The following GRAMD2A variants were observed in gnomAD, a reference collection of about 807,000 sequenced individuals.
GRAMD2A encodes the protein GRAM domain-containing protein 2A.
In GRAMD2A, 37 loss-of-function variants were observed where a neutral mutation model predicts 51.1. The observed-to-expected ratio is 0.72, with a 90% CI of 0.56 to 0.95. GRAMD2A has a LOEUF of 0.95. GRAMD2A is among the 40% of genes least tolerant of loss of function. GRAMD2A has a pLI of 0.00. For synonymous variants in GRAMD2A, 136 were observed against 157.1 expected (o/e 0.87, Z 1.01); for missense variants, 414 against 426.9 (o/e 0.97, Z 0.27).
chr15:72,170,154 C>G lies in GRAMD2A; in HGVS notation c.42-215G>C, dbSNP rs1248315042. On this transcript the variant is annotated intron_variant, in intron 1 of 11. Coordinates refer to ENST00000309731, the MANE Select transcript of GRAMD2A (RefSeq NM_001012642.3). This position sits in a 1 kb window ranked among gnomAD's most constrained non-coding sequence, Gnocchi z 4.5. ...AGGCGGGTCTCACACAGCGTCTTTC[C>G]CGAAAGCCAGAAGTTCTGCTTATGC... 3.0e-6 allele frequency: 2 copies of G among 665,882 alleles called. No individual in the cohort carries two copies. Among genetic ancestry groups the G allele is most frequent in the Non-Finnish European group, 5.5e-6 (2 of 361,934 alleles). 41.2% of individuals were successfully genotyped at this position (665,882 alleles called of 1,614,324 possible). A position where few individuals can be genotyped will look rare whatever the true frequency, so the allele number is the denominator to read the frequency against.
chr15:72,195,561 C>G (rs1313964017), intron 1 of GRAMD2A, among the ~76,000 whole-genome samples: 1 of 152,142 alleles, frequency 6.6e-6, no homozygotes, highest in Non-Finnish European at 1.5e-5. Context: ...CGGGAGCACC[C>G]TAGGTGGATG....
intron 1 of GRAMD2A, among the ~76,000 whole-genome samples, chr15:72,182,312 C>T (rs1408111587): frequency 6.8e-6 from 1 of 147,574 alleles, no homozygotes; most frequent in Non-Finnish European, 1.5e-5. Flanking sequence ...TTGCAGTGAG[C>T]CAAGATCTTG....
intron 1 of GRAMD2A, among the ~76,000 whole-genome samples, chr15:72,178,003 T>G (rs1221852030): frequency 6.6e-6 from 1 of 152,152 alleles, no homozygotes; most frequent in African/African-American, 2.4e-5. Flanking sequence ...GCTGGGATTA[T>G]AGGCGTGAGC....
chr15:72,161,923 G>T lies in GRAMD2A; in HGVS notation c.*86C>A. ...CATAGGCAGTCTTAGCACAGCAGCA[G>T]CATAAACCACAGGGATCATTGGTGG... On this transcript the variant is annotated 3_prime_UTR_variant, in exon 12 of 12. Transcript: ENST00000309731. 7.1e-7 allele frequency: 1 copy of T among 1,412,418 alleles called. No homozygotes were observed. Among genetic ancestry groups the T allele is most frequent in the Non-Finnish European group, 1.0e-6 (1 of 996,046 alleles). 87.5% of individuals were successfully genotyped at this position (1,412,418 alleles called of 1,614,324 possible).
chr15:72,162,952 CCTCT>C, intron 10 of GRAMD2A: 1 of 314,296 alleles, frequency 3.2e-6, no homozygotes, highest in Non-Finnish European at 5.9e-6. Context: ...CCAAGCTTTT[CCTCT>C]CTCTCTCCAA....
In GRAMD2A at chr15:72,171,601, C is replaced by A. The variant is rs567583503; in HGVS notation, c.42-1662G>T. Among the ~76,000 whole-genome samples, 34 of 152,192 alleles carry A rather than the reference C, an allele frequency of 2.2e-4. No homozygotes were observed. The East Asian group carries it at 6.4e-3, about 29-fold the overall frequency. On this transcript the variant is annotated intron_variant, in intron 1 of 11. Transcript: ENST00000309731. ...AGCACGACATGAAGGTGCCTGTTTCCCCATATTCATGCCCTTCTCTGGATA... is the reference window on the plus strand; with the variant it reads ...AGCACGACATGAAGGTGCCTGTTTCACCATATTCATGCCCTTCTCTGGATA...
chr15:72,174,681 C>T (rs1483479296), intron 1 of GRAMD2A, among the ~76,000 whole-genome samples: 1 of 152,156 alleles, frequency 6.6e-6, no homozygotes, highest in Non-Finnish European at 1.5e-5. Flanking sequence ...GAGGTGTCTG[C>T]CTGCTCTCCA....
intron 8 of GRAMD2A, among the ~76,000 whole-genome samples, chr15:72,164,792 T>C (rs367983984): frequency 9.8e-5 from 15 of 152,292 alleles, no homozygotes; most frequent in African/African-American, 3.6e-4. Flanking sequence ...TGTACAGGTG[T>C]GCAGCCCAAC....
chr15:72,168,222 C>G (rs1344548735), intron 4 of GRAMD2A, among the ~76,000 whole-genome samples: 1 of 152,206 alleles, frequency 6.6e-6, no homozygotes, highest in African/African-American at 2.4e-5. Flanking sequence ...CAGTGAGAGG[C>G]CAGAGCAGGT....
chr15:72,163,695 G>A lies in GRAMD2A; in HGVS notation c.663C>T (p.Leu221=). Residue 221 remains leucine (L), a synonymous_variant, in exon 9 of 12, where the codon CTC becomes CTT. Coordinates refer to ENST00000309731, the MANE Select transcript of GRAMD2A (RefSeq NM_001012642.3). ...GAGGGATACAAGGGATGTTGTCTGG[G>A]AGAGACAGGGACCTGGAGGAAGGGC... ...KVCPSSRSLS[L]PDNIPCIPPS... is the part of the protein sequence containing the mutation. The A allele has an allele frequency of 2.5e-6, 4 of 1,609,398 alleles. No homozygotes were observed. The highest frequency in any genetic ancestry group is 1.1e-5 in the South Asian group (1 of 89,998).
At position 72,170,457 on chromosome 15, in the gene GRAMD2A, A is replaced by C. The variant is rs1596685212; in HGVS notation, c.42-518T>G. On this transcript the variant is annotated intron_variant, in intron 1 of 11. Coordinates refer to ENST00000309731, the MANE Select transcript of GRAMD2A (RefSeq NM_001012642.3). This position sits in a 1 kb window ranked among gnomAD's most constrained non-coding sequence, Gnocchi z 4.5. ...GGGAGGTGGACGCCCATCAGCCTAC[A>C]GGTGAGTGTGGCCAGGAGGGGAGGA... 1 of 454,854 alleles carries C rather than the reference A, an allele frequency of 2.2e-6. No homozygotes were observed. The highest frequency in any genetic ancestry group is 4.4e-6 in the Non-Finnish European group (1 of 226,208). The allele number at this position is 454,854 out of a possible 1,614,324, so 28.2% of individuals were successfully genotyped here. A position where few individuals can be genotyped will look rare whatever the true frequency, so the allele number is the denominator to read the frequency against.
intron 11 of GRAMD2A, 75 bp from the exon 12 acceptor site, chr15:72,162,087 T>TAAC (rs2081482122): frequency 6.4e-7 from 1 of 1,572,940 alleles, no homozygotes; most frequent in Non-Finnish European, 8.7e-7. Flanking sequence ...GGGCCAGTGA[T>TAAC]AACTTTACTT....
At chr15:72,168,439 C>G (rs1596681841) in intron 4 of GRAMD2A, 52 bp downstream of exon 4, 1 of 1,391,270 alleles carries the variant, frequency 7.2e-7, no homozygotes, top group African/African-American at 1.4e-5. Flanking sequence ...GCAGAGGCCC[C>G]TGGCCCCAGG....
intron 1 of GRAMD2A, 94 bp downstream of exon 1, chr15:72,197,637 G>A: frequency 2.9e-6 from 3 of 1,033,394 alleles, no homozygotes; most frequent in Middle Eastern, 7.6e-4. Context: ...CCGAGTTGCC[G>A]CGGCCCCAGG....
rs553935914 is a variant in GRAMD2A at position 72,165,255 on chromosome 15, C to T, written c.600+99G>A. 2.7e-5 allele frequency: 28 copies of T among 1,047,560 alleles called. 4 individuals are homozygous for T. The Admixed American group carries it at 3.8e-4, about 14-fold the overall frequency. The allele number at this position is 1,047,560 out of a possible 1,614,324, so 64.9% of individuals were successfully genotyped here. On this transcript the variant is annotated intron_variant, in intron 8 of 11. Transcript: ENST00000309731. ...TGGCCACTGACTCTTGAGCCTGGTG[C>T]CCCAGTTCTGCATTGTGGGCCCCCC...
intron 1 of GRAMD2A, 63 bp downstream of exon 1, chr15:72,197,668 C>A: frequency 8.1e-7 from 1 of 1,232,182 alleles, no homozygotes; most frequent in Non-Finnish European, 1.0e-6. Context: ...CCCCGCGCGG[C>A]AGCAGCCCCT....
In GRAMD2A at chr15:72,170,367, T is replaced by G; in HGVS notation, c.42-428A>C. The G allele has an allele frequency of 2.2e-6, 1 of 456,940 alleles. No homozygotes were observed. The highest frequency in any genetic ancestry group is 2.3e-5 in the Admixed American group (1 of 42,594). The allele number at this position is 456,940 out of a possible 1,614,324, so 28.3% of individuals were successfully genotyped here. On this transcript the variant is annotated intron_variant, in intron 1 of 11. Transcript: ENST00000309731. This position sits in a 1 kb window ranked among gnomAD's most constrained non-coding sequence, Gnocchi z 4.5. ...GCAGCATGACTGTAAACCATCAGGT[T>G]CCGGGAAAGTAGGCTGAGCACAGGA...
At chr15:72,179,001 T>C (rs1228945924) in intron 1 of GRAMD2A, among the ~76,000 whole-genome samples, 1 of 152,190 alleles carries the variant, frequency 6.6e-6, no homozygotes, top group Non-Finnish European at 1.5e-5. Context: ...TCGAGTCTCA[T>C]ACTGAGTGTA....
intron 1 of GRAMD2A, among the ~76,000 whole-genome samples, chr15:72,186,972 C>T (rs2081738534): frequency 6.6e-6 from 1 of 150,642 alleles, no homozygotes; most frequent in African/African-American, 2.4e-5. Context: ...CATAGTGAAA[C>T]CCCATCTCTA....
Sources: allele counts gnomAD v4.1 joint callset (sites outside exome capture counted in the v4.1 genomes callset), GRCh38; gene constraint gnomAD v4.1.1; non-coding constraint Gnocchi (gnomAD v3.1); transcripts MANE v1.5; gene names NCBI Gene and HGNC (gene_info 2026-07-23, HGNC 2026-07-21).